The following NBDY variants were observed in gnomAD, a reference collection of about 807,000 sequenced individuals.
The protein encoded by NBDY is negative regulator of P-body association.
chrX:56,765,160 T>A (rs1369615132), intron 2 of NBDY, among the ~76,000 whole-genome samples: 2 of 112,175 alleles, frequency 1.8e-5, no homozygotes, highest in Non-Finnish European at 3.8e-5. Context: ...GAAAACAGGC[T>A]TACTTTTCCT....
chrX:56,766,986 AT>A (rs1177515890), intron 2 of NBDY, among the ~76,000 whole-genome samples: 1 of 112,547 alleles, frequency 8.9e-6, no homozygotes, highest in Non-Finnish European at 1.9e-5. Context: ...TGAGCTGTCT[AT>A]CCGTTCTTCG....
chrX:56,783,176 G>A (rs1239376453), intron 2 of NBDY, among the ~76,000 whole-genome samples: 1 of 112,952 alleles, frequency 8.9e-6, no homozygotes, highest in South Asian at 3.6e-4. Flanking sequence ...CTCCTTGCTG[G>A]CTCTTGGCCT....
At chrX:56,806,685 T>C (rs914123777) in intron 2 of NBDY, among the ~76,000 whole-genome samples, 7 of 112,100 alleles carry the variant, frequency 6.2e-5, no homozygotes, top group Admixed American at 1.9e-4. Context: ...TGTAAATTGG[T>C]TTAAGTTCTT....
In NBDY at chrX:56,818,985, C is replaced by CAAAAAA. The variant is rs373670029; in HGVS notation, c.*1837_*1842dup. ...ACTGGGACAACTTGGTATCTACATG[C>CAAAAAA]AAAAAAAAAACAAAAAAACAAAAAA... On this transcript the variant is annotated 3_prime_UTR_variant, in exon 3 of 3. Coordinates refer to ENST00000374922, the MANE Select transcript of NBDY (RefSeq NM_001348129.2). The CAAAAAA allele has an allele frequency of 2.6e-4, 9 of 34,703 alleles. No individual in the cohort carries two copies. The highest frequency in any genetic ancestry group is 4.7e-4 in the Non-Finnish European group (7 of 14,998). 2.9% of individuals were successfully genotyped at this position (34,703 alleles called of 1,213,427 possible).
At chrX:56,811,777 C>A (rs2069888253) in intron 2 of NBDY, among the ~76,000 whole-genome samples, 1 of 111,321 alleles carries the variant, frequency 9.0e-6, no homozygotes, top group African/African-American at 3.3e-5. Flanking sequence ...TTTTGTCTGG[C>A]TGGACTTCTG....
chrX:56,764,065 G>T (rs1021726041), intron 2 of NBDY, among the ~76,000 whole-genome samples: 4 of 112,278 alleles, frequency 3.6e-5, no homozygotes, highest in Non-Finnish European at 7.5e-5. Flanking sequence ...CTCCAAGCTG[G>T]CCCTTGGCCT....
chrX:56,792,354 C>CT (rs756646122), intron 2 of NBDY, among the ~76,000 whole-genome samples: 25 of 111,088 alleles, frequency 2.3e-4, no homozygotes, highest in East Asian at 2.8e-4. Context: ...TCCTCTGTCT[C>CT]TTTTTTTTCC....
chrX:56,761,130 G>A (rs987874328), intron 2 of NBDY, among the ~76,000 whole-genome samples: 12 of 112,234 alleles, frequency 1.1e-4, no homozygotes, highest in Non-Finnish European at 2.1e-4. Context: ...CGTTTTTAAC[G>A]TTTAACTCCC....
At chrX:56,793,550 G>C (rs756852914) in intron 2 of NBDY, among the ~76,000 whole-genome samples, 2 of 110,483 alleles carry the variant, frequency 1.8e-5, no homozygotes, top group East Asian at 5.7e-4. Flanking sequence ...TCAGCTTGGA[G>C]GGGCAGTTGA....
At chrX:56,783,812 C>G (rs886213164) in intron 2 of NBDY, among the ~76,000 whole-genome samples, 3 of 112,407 alleles carry the variant, frequency 2.7e-5, no homozygotes, top group Non-Finnish European at 3.8e-5. Flanking sequence ...CCATTTGTTG[C>G]GAACAGAATA....
At chrX:56,754,680 G>A (rs1240240495) in intron 2 of NBDY, among the ~76,000 whole-genome samples, 2 of 111,529 alleles carry the variant, frequency 1.8e-5, no homozygotes, top group African/African-American at 3.3e-5. Flanking sequence ...GAACTTAAGG[G>A]ACACAGTAAG....
intron 2 of NBDY, among the ~76,000 whole-genome samples, chrX:56,816,549 C>G (rs780964144): frequency 9.0e-6 from 1 of 110,780 alleles, no homozygotes; most frequent in South Asian, 3.7e-4. Flanking sequence ...TACTGTAACA[C>G]GATGCAATAT....
intron 2 of NBDY, among the ~76,000 whole-genome samples, chrX:56,757,290 A>C (rs1264951066): frequency 8.9e-6 from 1 of 112,213 alleles, no homozygotes; most frequent in Non-Finnish European, 1.9e-5. Context: ...ATAGGATGAC[A>C]AATGAACTCA....
In NBDY at chrX:56,799,886, C is replaced by T. The variant is rs763168468; in HGVS notation, c.*167-17434C>T. Among the ~76,000 whole-genome samples, 4 of 112,121 alleles carry T rather than the reference C, an allele frequency of 3.6e-5. No homozygotes were observed. In the East Asian group the frequency reaches 1.1e-3, roughly 32 times the overall value. On this transcript the variant is annotated intron_variant, in intron 2 of 2. Coordinates refer to ENST00000374922, the MANE Select transcript of NBDY (RefSeq NM_001348129.2). ...AGGAGTGATGTCTGCCTCTCCTACC[C>T]TCTGGATTCTTCTCTGGGCAGGGGG...
chrX:56,796,495 ACCC>A (rs1339915620), intron 2 of NBDY, among the ~76,000 whole-genome samples: 4 of 111,953 alleles, frequency 3.6e-5, no homozygotes, highest in Admixed American at 2.8e-4. Flanking sequence ...GCTAGGGAAC[ACCC>A]TTAGGGAAAA....
chrX:56,816,549 C>T (rs780964144), intron 2 of NBDY, among the ~76,000 whole-genome samples: 4 of 110,813 alleles, frequency 3.6e-5, no homozygotes, highest in South Asian at 3.7e-4. Flanking sequence ...TACTGTAACA[C>T]GATGCAATAT....
At chrX:56,789,123 A>C in intron 2 of NBDY, among the ~76,000 whole-genome samples, 1 of 112,923 alleles carries the variant, frequency 8.9e-6, no homozygotes, top group Non-Finnish European at 1.9e-5. Context: ...ACGGAATAAA[A>C]CAAATGCCAA....
intron 2 of NBDY, among the ~76,000 whole-genome samples, chrX:56,802,379 G>A (rs1346731984): frequency 8.9e-6 from 1 of 112,058 alleles, no homozygotes; most frequent in Non-Finnish European, 1.9e-5. Flanking sequence ...GGGAATCTGT[G>A]TTGCGTGGTG....
chrX:56,784,005 G>C (rs1158205276), intron 2 of NBDY, among the ~76,000 whole-genome samples: 1 of 111,695 alleles, frequency 9.0e-6, no homozygotes, highest in Non-Finnish European at 1.9e-5. Flanking sequence ...CAGTGAACCA[G>C]AGGAGCCTAT....
Sources: allele counts gnomAD v4.1 joint callset (sites outside exome capture counted in the v4.1 genomes callset), GRCh38; gene constraint gnomAD v4.1.1; transcripts MANE v1.5; gene names NCBI Gene and HGNC (gene_info 2026-07-23, HGNC 2026-07-21).